Variants in PTCRA observed in about 807,000 individuals in gnomAD.
PTCRA encodes the protein pre T cell antigen receptor alpha, also known as pre T-cell antigen receptor alpha.
PTCRA carries 9 observed loss-of-function variants against 13.4 expected under a neutral mutation model. The ratio of observed to expected loss-of-function variants is 0.67; its 90% CI spans 0.41 to 1.18. PTCRA has a LOEUF of 1.18. Among genes scored for constraint, PTCRA ranks in the 50% most tolerant of loss-of-function variants. The pLI is 0.01. For synonymous variants in PTCRA, 153 were observed against 161.9 expected (o/e 0.94, Z 0.42); for missense variants, 353 against 359.8 (o/e 0.98, Z 0.15).
Position 42,925,410 on chromosome 6 carries a change from G to A in PTCRA, c.574G>A (p.Gly192Ser), listed in dbSNP as rs373866603. ...PATTTRLRALGSHRLHPATET... is the reference protein window; with the variant it reads ...PATTTRLRALSSHRLHPATET... ...AACCACCACCCGCCTGCGAGCCCTC[G>A]GCTCCCATCGACTGCACCCGGCCAC... Residue 192 changes from glycine (G) to serine (S), a missense_variant, in exon 4 of 4, where the codon GGC becomes AGC. Gly to Ser is a moderately conservative substitution (Grantham distance 56). Coordinates refer to ENST00000304672, the MANE Select transcript of PTCRA (RefSeq NM_138296.3). This position sits in a 1 kb window ranked among gnomAD's most constrained non-coding sequence, Gnocchi z 4.4. 186 of 1,555,014 alleles carry A rather than the reference G, an allele frequency of 1.2e-4. 1 individual carries two copies. Among genetic ancestry groups the A allele is most frequent in the East Asian group, 1.7e-4 (7 of 41,248 alleles).
chr6:42,924,261 G>A lies in PTCRA; in HGVS notation c.412G>A (p.Glu138Lys). 1.9e-6 allele frequency: 3 copies of A among 1,612,170 alleles called. No homozygotes were observed. Among genetic ancestry groups the A allele is most frequent in the Non-Finnish European group, 2.5e-6 (3 of 1,179,328 alleles). Reference sequence around the variant, plus strand: ...TTCTACAGCCAGGACCTGCCCCCAGGAGCCTCTCAGGGGTGAGTACTCCGG... The same window carrying A: ...TTCTACAGCCAGGACCTGCCCCCAGAAGCCTCTCAGGGGTGAGTACTCCGG... ...EASTARTCPQ[E>K]PLRGTPGGAL... is the part of the protein sequence containing the mutation. The change falls in exon 3 of 4, where the codon GAG (glutamate) becomes AAG (lysine). Residue 138 changes from glutamate (E) to lysine (K), a missense_variant. Physicochemically the swap from Glu to Lys is moderately conservative, Grantham distance 56. Transcript: ENST00000304672.
In PTCRA at chr6:42,925,712, C is replaced by G. The variant is rs1432878248; in HGVS notation, c.*30C>G. On this transcript the variant is annotated 3_prime_UTR_variant, in exon 4 of 4. Transcript: ENST00000304672. The surrounding 1 kb of genome is among the most constrained non-coding windows in gnomAD (Gnocchi z 4.4). ...AGGGCTCTACCTCCCCTGCGTCACACTGTGTGAGGCTGTGTCTCTGCCATC... is the reference window on the plus strand; with the variant it reads ...AGGGCTCTACCTCCCCTGCGTCACAGTGTGTGAGGCTGTGTCTCTGCCATC... The G allele has an allele frequency of 2.1e-6, 3 of 1,417,730 alleles. No individual in the cohort carries two copies. In the Admixed American group the frequency reaches 7.5e-5, roughly 35 times the overall value. 87.8% of individuals were successfully genotyped at this position (1,417,730 alleles called of 1,614,324 possible).
In PTCRA at chr6:42,923,106, C is replaced by T. The variant is rs373111406; in HGVS notation, c.138C>T (p.Val46=). The T allele has an allele frequency of 7.4e-6, 12 of 1,614,122 alleles. No homozygotes were observed. In the African/African-American group the frequency reaches 1.5e-4, roughly 20 times the overall value. The change falls in exon 2 of 4, where the codon GTC becomes GTT. Residue 46 remains valine, a synonymous_variant. Coordinates refer to ENST00000304672, the MANE Select transcript of PTCRA (RefSeq NM_138296.3). ...LVDGKQQMVV[V]CLVLDVAPPG... is the part of the protein sequence containing the mutation. Reference sequence around the variant, plus strand: ...ATGGAAAGCAGCAGATGGTGGTGGTCTGCCTGGTCCTTGATGTTGCACCCC... The same window carrying T: ...ATGGAAAGCAGCAGATGGTGGTGGTTTGCCTGGTCCTTGATGTTGCACCCC...
In PTCRA at chr6:42,925,739, A is replaced by G; in HGVS notation, c.*57A>G. On this transcript the variant is annotated 3_prime_UTR_variant, in exon 4 of 4. Coordinates refer to ENST00000304672, the MANE Select transcript of PTCRA (RefSeq NM_138296.3). This position sits in a 1 kb window ranked among gnomAD's most constrained non-coding sequence, Gnocchi z 4.4. The stretch of plus-strand genomic sequence containing the variant: ...GTGTGAGGCTGTGTCTCTGCCATCC[A>G]AAAGGGGGCCCCTTGAGAATGGTGA... 7.9e-7 allele frequency: 1 copy of G among 1,266,908 alleles called. No individual in the cohort carries two copies. Among genetic ancestry groups the G allele is most frequent in the East Asian group, 2.6e-5 (1 of 39,160 alleles). 78.5% of individuals were successfully genotyped at this position (1,266,908 alleles called of 1,614,324 possible).
intron 1 of PTCRA, among the ~76,000 whole-genome samples, chr6:42,920,573 T>C (rs1394703148): frequency 7.3e-5 from 11 of 150,994 alleles, no homozygotes; most frequent in Admixed American, 3.3e-4. Flanking sequence ...TACAGGCGGC[T>C]GCCACCACGC....
intron 1 of PTCRA, among the ~76,000 whole-genome samples, chr6:42,916,644 G>T (rs981016785): frequency 1.2e-4 from 18 of 152,138 alleles, no homozygotes; most frequent in African/African-American, 4.1e-4. Context: ...AGGACCCAAG[G>T]CCTCTTCCCA....
intron 1 of PTCRA, among the ~76,000 whole-genome samples, chr6:42,920,434 A>AT (rs929652336): frequency 8.0e-5 from 12 of 150,676 alleles, no homozygotes; most frequent in South Asian, 4.2e-4. Flanking sequence ...TTTTATTTTT[A>AT]TTTTTTTTGA....
Position 42,925,822 on chromosome 6 carries a change from T to G in PTCRA, c.*140T>G, listed in dbSNP as rs41274882. The G allele has an allele frequency of 0.015, 7,538 of 501,632 alleles. 474 individuals are homozygous for G. Among genetic ancestry groups the G allele is most frequent in the African/African-American group, 0.13 (6,579 of 50,184 alleles). 31.1% of individuals were successfully genotyped at this position (501,632 alleles called of 1,614,324 possible). A position where few individuals can be genotyped will look rare whatever the true frequency, so the allele number is the denominator to read the frequency against. ...ATGACTGAGAACATTAAAAAAGAAC[T>G]TAAATGACACAGCAAATGAAAAATA... On this transcript the variant is annotated 3_prime_UTR_variant, in exon 4 of 4. Coordinates refer to ENST00000304672, the MANE Select transcript of PTCRA (RefSeq NM_138296.3). The surrounding 1 kb of genome is among the most constrained non-coding windows in gnomAD (Gnocchi z 4.4).
intron 1 of PTCRA, 121 bp downstream of exon 1, chr6:42,916,248 AC>A (rs1766871447): frequency 1.0e-6 from 1 of 1,000,256 alleles, no homozygotes. Flanking sequence ...ATATTTAGGG[AC>A]CTCTGGGGAG....
At position 42,925,723 on chromosome 6, in the gene PTCRA, T is replaced by A; in HGVS notation, c.*41T>A. ...TCCCCTGCGTCACACTGTGTGAGGCTGTGTCTCTGCCATCCAAAAGGGGGC... is the reference window on the plus strand; with the variant it reads ...TCCCCTGCGTCACACTGTGTGAGGCAGTGTCTCTGCCATCCAAAAGGGGGC... On this transcript the variant is annotated 3_prime_UTR_variant, in exon 4 of 4. Transcript: ENST00000304672. This position sits in a 1 kb window ranked among gnomAD's most constrained non-coding sequence, Gnocchi z 4.4. 2.2e-6 allele frequency: 3 copies of A among 1,357,506 alleles called. No homozygotes were observed. The highest frequency in any genetic ancestry group is 3.0e-6 in the Non-Finnish European group (3 of 1,007,404). 84.1% of individuals were successfully genotyped at this position (1,357,506 alleles called of 1,614,324 possible). A position where few individuals can be genotyped will look rare whatever the true frequency, so the allele number is the denominator to read the frequency against.
At position 42,916,262 on chromosome 6, in the gene PTCRA, T is replaced by G. The variant is rs558886932; in HGVS notation, c.58+135T>G. ...GATATTTAGGGACCTCTGGGGAGGGTCCCTCTGGGGAGGGGACCTCTGGGG... is the reference window on the plus strand; with the variant it reads ...GATATTTAGGGACCTCTGGGGAGGGGCCCTCTGGGGAGGGGACCTCTGGGG... On this transcript the variant is annotated intron_variant, in intron 1 of 3. Coordinates refer to ENST00000304672, the MANE Select transcript of PTCRA (RefSeq NM_138296.3). 7.6e-5 allele frequency: 65 copies of G among 851,676 alleles called. No homozygotes were observed. In the Admixed American group the frequency reaches 1.0e-3, roughly 14 times the overall value. The allele number at this position is 851,676 out of a possible 1,614,324, so 52.8% of individuals were successfully genotyped here.
At chr6:42,920,544 C>G (rs1767102921) in intron 1 of PTCRA, among the ~76,000 whole-genome samples, 1 of 150,818 alleles carries the variant, frequency 6.6e-6, no homozygotes, top group African/African-American at 2.4e-5. Context: ...CCTGCCTCAG[C>G]CTCCCGAGTA....
At position 42,925,458 on chromosome 6, in the gene PTCRA, A is replaced by G; in HGVS notation, c.622A>G (p.Thr208Ala). Reference sequence around the variant, plus strand: ...CACGGAGACTGGGGGACGAGAGGCCACCAGCTCACCCAGACCCCAGCCTCG... The same window carrying G: ...CACGGAGACTGGGGGACGAGAGGCCGCCAGCTCACCCAGACCCCAGCCTCG... The part of the protein sequence containing the change: ...PATETGGREA[T>A]SSPRPQPRDR... Residue 208 changes from threonine to alanine, a missense_variant, in exon 4 of 4, where the codon ACC (threonine) becomes GCC (alanine). Physicochemically the swap from Thr to Ala is moderately conservative, Grantham distance 58. Coordinates refer to ENST00000304672, the MANE Select transcript of PTCRA (RefSeq NM_138296.3). This position sits in a 1 kb window ranked among gnomAD's most constrained non-coding sequence, Gnocchi z 4.4. The G allele has an allele frequency of 6.4e-7, 1 of 1,556,096 alleles. No homozygotes were observed. Among genetic ancestry groups the G allele is most frequent in the Non-Finnish European group, 8.7e-7 (1 of 1,149,298 alleles).
intron 1 of PTCRA, among the ~76,000 whole-genome samples, chr6:42,918,379 C>T (rs1039196045): frequency 6.6e-6 from 1 of 151,584 alleles, no homozygotes; most frequent in African/African-American, 2.4e-5. Flanking sequence ...GATGGTGAAA[C>T]CCCATCTCTA....
chr6:42,921,188 GC>G (rs1767139609), intron 1 of PTCRA, among the ~76,000 whole-genome samples: 1 of 151,580 alleles, frequency 6.6e-6, no homozygotes, highest in African/African-American at 2.4e-5. Flanking sequence ...TGCAACCTCC[GC>G]CTCTGGGTTT....
intron 2 of PTCRA, among the ~76,000 whole-genome samples, chr6:42,923,829 G>A (rs182809794): frequency 6.6e-6 from 1 of 152,258 alleles, no homozygotes; most frequent in Admixed American, 6.5e-5. Context: ...CCCCTCCATT[G>A]TATTTTGAAA....
rs1432133595 is a variant in PTCRA at position 42,925,238 on chromosome 6, T to C, written c.425-23T>C. 18 of 1,574,166 alleles carry C rather than the reference T, an allele frequency of 1.1e-5. No individual in the cohort carries two copies. Among genetic ancestry groups the C allele is most frequent in the Non-Finnish European group, 1.5e-5 (18 of 1,167,608 alleles). On this transcript the variant is annotated intron_variant, in intron 3 of 3. Coordinates refer to ENST00000304672, the MANE Select transcript of PTCRA (RefSeq NM_138296.3). The surrounding 1 kb of genome is among the most constrained non-coding windows in gnomAD (Gnocchi z 4.4). ...TAGGGGGCTGCGGGCTCCTGCGGGC[T>C]CCTGAGCGGTTCCTCCTCGCAGGGA...
intron 1 of PTCRA, among the ~76,000 whole-genome samples, chr6:42,919,456 A>G (rs1219951383): frequency 6.6e-6 from 1 of 152,036 alleles, no homozygotes; most frequent in East Asian, 1.9e-4. Context: ...GCTCATGCCT[A>G]TAATCCCAGC....
chr6:42,916,200 C>A, intron 1 of PTCRA, 73 bp downstream of exon 1: 1 of 1,418,448 alleles, frequency 7.0e-7, no homozygotes, highest in South Asian at 1.2e-5. Context: ...TCTGGACCTC[C>A]CTGGGTACTG....
Sources: allele counts gnomAD v4.1 joint callset (sites outside exome capture counted in the v4.1 genomes callset), GRCh38; gene constraint gnomAD v4.1.1; non-coding constraint Gnocchi (gnomAD v3.1); transcripts MANE v1.5; gene names NCBI Gene and HGNC (gene_info 2026-07-23, HGNC 2026-07-21).